Variants in ERBB4 observed in about 807,000 individuals in gnomAD.
ERBB4 encodes the protein erb-b2 receptor tyrosine kinase 4, also known as receptor tyrosine-protein kinase erbB-4.
ERBB4 carries 42 observed loss-of-function variants against 158.0 expected under a neutral mutation model. The observed-to-expected ratio is 0.27, with a 90% confidence interval of 0.21 to 0.34. ERBB4 has a LOEUF of 0.34. ERBB4 is among the 10% of genes least tolerant of loss of function. The pLI is 1.00. For missense variants in ERBB4, 1,333 were observed against 1,624.1 expected (o/e 0.82, Z 3.08); for synonymous variants, 583 against 558.7 (o/e 1.04, Z -0.61).
At position 212,446,575 on chromosome 2, in the gene ERBB4, TCC is replaced by T. The variant is rs1228516358; in HGVS notation, c.82+91872_82+91873del. Among the ~76,000 whole-genome samples, 97 of 54,120 alleles carry T rather than the reference TCC, an allele frequency of 1.8e-3. 3 individuals are homozygous for T. The highest frequency in any genetic ancestry group is 0.015 in the Middle Eastern group (1 of 68). 35.5% of individuals were successfully genotyped at this position (54,120 alleles called of 152,430 possible). The stretch of plus-strand genomic sequence containing the variant: ...TCATGTAAGTTAATACTTAATAAAC[TCC>T]CATATATATATATGTATATATATAT... On this transcript the variant is annotated intron_variant, in intron 1 of 27. Coordinates refer to ENST00000342788, the MANE Select transcript of ERBB4 (RefSeq NM_005235.3).
In ERBB4 at chr2:212,086,004, G is replaced by A. The variant is rs551693133; in HGVS notation, c.234+38748C>T. On this transcript the variant is annotated intron_variant, in intron 2 of 27. Transcript: ENST00000342788. ...TGTGTCTAATGAGAGCTATACATCT[G>A]AGAACTTCCCCAATCTCTCACATCC... Among the ~76,000 whole-genome samples, 4 of 152,010 alleles carry A rather than the reference G, an allele frequency of 2.6e-5. No homozygotes were observed. In the East Asian group the frequency reaches 7.7e-4, roughly 29 times the overall value.
intron 3 of ERBB4, among the ~76,000 whole-genome samples, chr2:211,835,167 C>A (rs535620071): frequency 6.6e-6 from 1 of 152,192 alleles, no homozygotes; most frequent in East Asian, 1.9e-4. Context: ...ATCATCACCC[C>A]AGCTCTGCTT....
intron 2 of ERBB4, among the ~76,000 whole-genome samples, chr2:212,005,243 AAGC>A (rs1296577985): frequency 4.6e-5 from 7 of 152,212 alleles, no homozygotes; most frequent in Admixed American, 1.3e-4. Flanking sequence ...GTTAGCCATA[AAGC>A]AGAACTCGAA....
At chr2:211,856,272 G>A (rs964217888) in intron 3 of ERBB4, among the ~76,000 whole-genome samples, 36 of 152,096 alleles carry the variant, frequency 2.4e-4, no homozygotes, top group African/African-American at 8.7e-4. Context: ...TGCCCTTTCT[G>A]ATTTCAATTA....
At chr2:211,761,873 G>A (rs1275243494) in intron 4 of ERBB4, among the ~76,000 whole-genome samples, 4 of 152,186 alleles carry the variant, frequency 2.6e-5, no homozygotes, top group African/African-American at 9.7e-5. Flanking sequence ...CTGGTAAAGT[G>A]TGGAAAACCC....
intron 20 of ERBB4, among the ~76,000 whole-genome samples, chr2:211,463,494 C>G (rs896725248): frequency 6.6e-6 from 1 of 152,140 alleles, no homozygotes; most frequent in African/African-American, 2.4e-5. Flanking sequence ...GGAAGTGGGC[C>G]TCATTTAGCA....
intron 2 of ERBB4, among the ~76,000 whole-genome samples, chr2:212,082,479 T>C (rs1412214806): frequency 1.3e-5 from 2 of 152,100 alleles, no homozygotes; most frequent in Non-Finnish European, 2.9e-5. Flanking sequence ...GGCATTTGCA[T>C]ACTTTGGCAC....
At chr2:212,504,251 T>A (rs1017201246) in intron 1 of ERBB4, among the ~76,000 whole-genome samples, 1 of 152,144 alleles carries the variant, frequency 6.6e-6, no homozygotes, top group South Asian at 2.1e-4. Context: ...TTAGACATCA[T>A]CTCTACTCCT....
At chr2:211,772,513 G>A (rs1358856183) in intron 4 of ERBB4, among the ~76,000 whole-genome samples, 2 of 151,944 alleles carry the variant, frequency 1.3e-5, no homozygotes, top group East Asian at 1.9e-4. Flanking sequence ...AGGTCTGAAC[G>A]TGGTCAGAGG....
chr2:212,478,813 T>C lies in ERBB4; in HGVS notation c.82+59636A>G, dbSNP rs368365643. On this transcript the variant is annotated intron_variant, in intron 1 of 27. Transcript: ENST00000342788. ...AAAGATAAGTAAAAACTGGCTGACATACCTTCATCTCAAATATTGTCAGAG... is the reference window on the plus strand; with the variant it reads ...AAAGATAAGTAAAAACTGGCTGACACACCTTCATCTCAAATATTGTCAGAG... Among the ~76,000 whole-genome samples, 671 of 152,142 alleles carry C rather than the reference T, an allele frequency of 4.4e-3. 3 individuals are homozygous for C. Among genetic ancestry groups the C allele is most frequent in the Non-Finnish European group, 7.4e-3 (506 of 67,970 alleles).
chr2:211,928,196 G>A (rs1484794182), intron 3 of ERBB4, among the ~76,000 whole-genome samples: 2 of 152,100 alleles, frequency 1.3e-5, no homozygotes, highest in African/African-American at 4.8e-5. Context: ...AGACCTTTGC[G>A]TGAGTGAACA....
chr2:211,971,009 C>T (rs1575453555), intron 2 of ERBB4, among the ~76,000 whole-genome samples: 1 of 152,126 alleles, frequency 6.6e-6, no homozygotes, highest in Admixed American at 6.6e-5. Flanking sequence ...GTAGTGGCTA[C>T]TAACAACCTT....
At chr2:212,215,351 GA>G (rs1407089010) in intron 1 of ERBB4, among the ~76,000 whole-genome samples, 49 of 151,550 alleles carry the variant, frequency 3.2e-4, no homozygotes, top group Non-Finnish European at 4.9e-4. Context: ...AAAATTTAGA[GA>G]AAAGTGACAA....
At position 212,179,119 on chromosome 2, in the gene ERBB4, C is replaced by T. The variant is rs893252678; in HGVS notation, c.83-54216G>A. 2.6e-4 allele frequency among the ~76,000 whole-genome samples: 40 copies of T among 151,618 alleles called. 1 individual carries two copies. Among genetic ancestry groups the T allele is most frequent in the Admixed American group, 2.0e-4 (3 of 15,162 alleles). On this transcript the variant is annotated intron_variant, in intron 1 of 27. Coordinates refer to ENST00000342788, the MANE Select transcript of ERBB4 (RefSeq NM_005235.3). ...TTTGGTAAGACATAGAATCATTATA[C>T]TGGAGTATGTAAAGCTCCTATGTCT...
rs776759803 is a variant in ERBB4 at position 211,795,783 on chromosome 2, A to C, written c.422-7624T>G. ...TACTTGTATCTCGTTGGTCAGAATG[A>C]AGTCAACGAGCCACAGCTAGGTGCA... On this transcript the variant is annotated intron_variant, in intron 3 of 27. Transcript: ENST00000342788. 5.3e-5 allele frequency among the ~76,000 whole-genome samples: 8 copies of C among 151,872 alleles called. 1 individual carries two copies. Among genetic ancestry groups the C allele is most frequent in the Non-Finnish European group, 8.8e-5 (6 of 67,856 alleles).
chr2:211,673,119 A>G (rs1406573669), intron 14 of ERBB4, 45 bp downstream of exon 14: 2 of 1,302,300 alleles, frequency 1.5e-6, no homozygotes, highest in Non-Finnish European at 2.2e-6. Flanking sequence ...ACATTCATAC[A>G]TGATACTAAA....
intron 25 of ERBB4, among the ~76,000 whole-genome samples, chr2:211,417,869 A>C (rs1252600568): frequency 6.6e-6 from 1 of 152,164 alleles, no homozygotes; most frequent in East Asian, 1.9e-4. Context: ...TAAAAATGAA[A>C]AGTGAAATTG....
chr2:211,689,922 G>A (rs1313036684), intron 12 of ERBB4, among the ~76,000 whole-genome samples: 2 of 151,298 alleles, frequency 1.3e-5, no homozygotes, highest in East Asian at 1.9e-4. Flanking sequence ...GAGTCTCTCC[G>A]TATTGATCAC....
At chr2:211,728,023 A>G (rs974527641) in intron 5 of ERBB4, among the ~76,000 whole-genome samples, 2 of 151,940 alleles carry the variant, frequency 1.3e-5, no homozygotes, top group Non-Finnish European at 2.9e-5. Flanking sequence ...GTATCCTGGT[A>G]CAAAATTCTG....
Sources: gnomAD v4.1 joint callset for allele counts (sites outside exome capture counted in the v4.1 genomes callset) on GRCh38, gnomAD v4.1.1 for gene constraint, MANE v1.5 for transcripts, NCBI Gene and HGNC (gene_info 2026-07-23, HGNC 2026-07-21) for gene names.